The following CD300E variants were observed in gnomAD, a reference collection of about 807,000 sequenced individuals.
CD300E encodes CMRF35-like molecule 2.
Under a neutral mutation model 20.9 loss-of-function variants are expected in CD300E, and 14 were observed. The ratio of observed to expected loss-of-function variants is 0.67; its 90% CI spans 0.44 to 1.05. The LOEUF (loss-of-function observed/expected upper bound fraction) is 1.05, where lower values mean the gene tolerates loss of function less well. Among genes scored for constraint, CD300E ranks in the 50% least tolerant of loss-of-function variants. The pLI is 0.00. For synonymous variants in CD300E, 102 were observed against 103.7 expected (o/e 0.98, Z 0.10); for missense variants, 237 against 253.9 (o/e 0.93, Z 0.45).
intron 1 of CD300E, chr17:74,619,079 T>A (rs1417649663): frequency 2.1e-6 from 1 of 471,188 alleles, no homozygotes; most frequent in East Asian, 7.0e-5. Context: ...CTCCTGAGAT[T>A]TGAGAGCTGG....
At chr17:74,621,607 A>G (rs1181547955) in intron 1 of CD300E, among the ~76,000 whole-genome samples, 1 of 152,200 alleles carries the variant, frequency 6.6e-6, no homozygotes, top group Non-Finnish European at 1.5e-5. Context: ...GCTTGAGGTT[A>G]ATGGGAGCTA....
chr17:74,613,260 A>G (rs1313285273), intron 3 of CD300E, among the ~76,000 whole-genome samples: 1 of 152,096 alleles, frequency 6.6e-6, no homozygotes, highest in East Asian at 1.9e-4. Flanking sequence ...GCACCACCAC[A>G]CCTGGCTAAT....
intron 2 of CD300E, 110 bp downstream of exon 2, chr17:74,617,008 T>A: frequency 1.1e-6 from 1 of 938,932 alleles, no homozygotes; most frequent in Admixed American, 2.1e-5. Context: ...AACACCACTG[T>A]GACTGAGGAC....
Position 74,612,764 on chromosome 17 carries a change from G to A in CD300E, c.507C>T (p.Leu169=), listed in dbSNP as rs1434431060. The A allele has an allele frequency of 6.2e-7, 1 of 1,613,746 alleles. No homozygotes were observed. Among genetic ancestry groups the A allele is most frequent in the Non-Finnish European group, 8.5e-7 (1 of 1,179,972 alleles). Residue 169 remains leucine, a synonymous_variant, in exon 4 of 4, where the codon CTC becomes CTT. Transcript: ENST00000392619. The part of the protein sequence containing the change: ...EVLTQNSGFR[L]SSPHFLLVVL... The stretch of plus-strand genomic sequence containing the variant: ...CCACGAGCAGGAAGTGAGGGCTGCT[G>A]AGCCGGAACCTGTGGTGGACACGGT...
chr17:74,623,538 T>G, intron 1 of CD300E, 44 bp downstream of exon 1: 3 of 1,608,480 alleles, frequency 1.9e-6, no homozygotes, highest in Non-Finnish European at 2.6e-6. Flanking sequence ...CCTACTGTCC[T>G]GCCCCCTGCA....
intron 3 of CD300E, among the ~76,000 whole-genome samples, chr17:74,613,223 G>T (rs1464255691): frequency 1.3e-5 from 2 of 152,172 alleles, no homozygotes; most frequent in Admixed American, 6.5e-5. Flanking sequence ...TCCCACCTCA[G>T]CCTCCTGAGT....
chr17:74,623,301 T>C (rs138777095), intron 1 of CD300E, among the ~76,000 whole-genome samples: 1,695 of 152,286 alleles, frequency 0.011, 29 homozygotes, highest in African/African-American at 0.039. Context: ...TCTACAACAG[T>C]AATTTCCACA....
intron 1 of CD300E, 128 bp downstream of exon 1, chr17:74,623,454 G>T: frequency 1.2e-6 from 1 of 830,378 alleles, no homozygotes; most frequent in Admixed American, 2.3e-5. Flanking sequence ...GGATGCACAG[G>T]TGAATGAACG....
At chr17:74,619,780 G>T (rs2030981184) in intron 1 of CD300E, among the ~76,000 whole-genome samples, 1 of 152,116 alleles carries the variant, frequency 6.6e-6, no homozygotes, top group African/African-American at 2.4e-5. Context: ...CAGGTTTGGG[G>T]GGTCTTTCTG....
At chr17:74,618,361 G>C (rs545833587) in intron 1 of CD300E, among the ~76,000 whole-genome samples, 2 of 152,230 alleles carry the variant, frequency 1.3e-5, no homozygotes, top group African/African-American at 4.8e-5. Context: ...GGGTGTGAGA[G>C]AGAGGGAGAG....
intron 2 of CD300E, among the ~76,000 whole-genome samples, chr17:74,615,477 T>C (rs1006187949): frequency 1.4e-4 from 21 of 152,172 alleles, no homozygotes; most frequent in Non-Finnish European, 1.5e-5. Flanking sequence ...AAGAAACTGA[T>C]GTCCTGTGTG....
chr17:74,611,557 G>A lies in CD300E; in HGVS notation c.*1096C>T, dbSNP rs1568032361. The A allele has an allele frequency of 6.6e-6, 1 of 152,286 alleles. No homozygotes were observed. Among genetic ancestry groups the A allele is most frequent in the African/African-American group, 2.4e-5 (1 of 41,462 alleles). The allele number at this position is 152,286 out of a possible 1,614,324, so 9.4% of individuals were successfully genotyped here. A position where few individuals can be genotyped will look rare whatever the true frequency, so the allele number is the denominator to read the frequency against. The stretch of plus-strand genomic sequence containing the variant: ...GGTCACCAGTAGTGGTGATAGCACT[G>A]TGCACTTCAAGTGTGGACAAGTATC... On this transcript the variant is annotated 3_prime_UTR_variant, in exon 4 of 4. Transcript: ENST00000392619.
intron 3 of CD300E, 72 bp from the exon 4 acceptor site, chr17:74,612,845 C>A (rs2030814349): frequency 6.3e-7 from 1 of 1,576,082 alleles, no homozygotes; most frequent in African/African-American, 1.3e-5. Context: ...CCCACCTCTC[C>A]CCATGCTCTG....
At chr17:74,615,294 G>T (rs1054084649) in intron 2 of CD300E, among the ~76,000 whole-genome samples, 4 of 152,204 alleles carry the variant, frequency 2.6e-5, no homozygotes, top group Non-Finnish European at 5.9e-5. Context: ...TAGCTAAGGG[G>T]CAGGGGGCAG....
intron 2 of CD300E, among the ~76,000 whole-genome samples, chr17:74,614,701 C>T (rs944763194): frequency 2.6e-5 from 4 of 152,230 alleles, no homozygotes; most frequent in African/African-American, 9.6e-5. Flanking sequence ...AGGCTGGTCT[C>T]GAACTCCTGG....
In CD300E at chr17:74,619,856, C is replaced by G. The variant is rs139970212; in HGVS notation, c.41-2391G>C. ...GCAAACATCAGTCCCTTTGAAGAGG[C>G]AGAATCTCATCCTGAAAAGCCTAAA... On this transcript the variant is annotated intron_variant, in intron 1 of 3. Transcript: ENST00000392619. Among the ~76,000 whole-genome samples the G allele has an allele frequency of 3.0e-3, 462 of 152,282 alleles. 3 individuals are homozygous for G. The highest frequency in any genetic ancestry group is 0.011 in the African/African-American group (441 of 41,548).
At chr17:74,616,220 G>T (rs1157873417) in intron 2 of CD300E, among the ~76,000 whole-genome samples, 2 of 152,144 alleles carry the variant, frequency 1.3e-5, no homozygotes, top group East Asian at 1.9e-4. Context: ...TCACTGTGAG[G>T]TTGAGAATAG....
At position 74,613,928 on chromosome 17, in the gene CD300E, G is replaced by A; in HGVS notation, c.494C>T (p.Ser165Leu). The A allele has an allele frequency of 2.5e-6, 4 of 1,612,142 alleles. No individual in the cohort carries two copies. The highest frequency in any genetic ancestry group is 2.5e-6 in the Non-Finnish European group (3 of 1,178,712). The change falls in exon 3 of 4, where the codon TCA becomes TTA. Residue 165 changes from serine (S) to leucine (L), a missense_variant. By Grantham distance (145) the Ser-to-Leu change is moderately radical. Transcript: ENST00000392619. Reference protein sequence around the residue: ...LSTGEVLTQNSGFRLSSPHFL... With the variant: ...LSTGEVLTQNLGFRLSSPHFL... ...CCTCCAGGCCCTGCGTGCTTACCCT[G>A]AATTTTGGGTCAACACCTCCCCGGT... is the stretch of plus-strand genomic sequence containing the variant.
chr17:74,618,705 G>A (rs539513597), intron 1 of CD300E, among the ~76,000 whole-genome samples: 5 of 151,986 alleles, frequency 3.3e-5, no homozygotes, highest in South Asian at 2.1e-4. Flanking sequence ...CTGCCACCAC[G>A]CACACCTTCC....
Sources: gnomAD v4.1 joint callset for allele counts (sites outside exome capture counted in the v4.1 genomes callset) on GRCh38, gnomAD v4.1.1 for gene constraint, MANE v1.5 for transcripts, NCBI Gene and HGNC (gene_info 2026-07-23, HGNC 2026-07-21) for gene names.